Variants in RILPL1 observed in about 807,000 individuals in gnomAD.
RILPL1 encodes RILP-like protein 1.
In RILPL1, 33 loss-of-function variants were observed where a neutral mutation model predicts 50.3. That is an observed-to-expected ratio of 0.66 (90% CI 0.50 to 0.88). RILPL1 has a LOEUF of 0.88. Among genes scored for constraint, RILPL1 ranks in the 40% least tolerant of loss-of-function variants. RILPL1 has a pLI of 0.00. For missense variants in RILPL1, 418 were observed against 542.5 expected (o/e 0.77, Z 2.28); for synonymous variants, 205 against 228.6 (o/e 0.90, Z 0.93).
At chr12:123,475,954 A>G (rs1377757521) in intron 6 of RILPL1, 6 of 482,410 alleles carry the variant, frequency 1.2e-5, no homozygotes, top group Non-Finnish European at 2.2e-5. Context: ...TCCAGGCTGG[A>G]GTGCGGTGGC....
At chr12:123,486,077 A>C (rs1240627125) in intron 4 of RILPL1, among the ~76,000 whole-genome samples, 1 of 152,078 alleles carries the variant, frequency 6.6e-6, no homozygotes, top group African/African-American at 2.4e-5. Flanking sequence ...TTCATTACAA[A>C]CATGACAAGG....
At chr12:123,518,341 C>A (rs1466855458) in intron 2 of RILPL1, 1 of 425,318 alleles carries the variant, frequency 2.4e-6, no homozygotes, top group Admixed American at 2.6e-5. Flanking sequence ...CCCGTCTCTA[C>A]CAAAAAAATT....
At chr12:123,524,787 A>C (rs1318551402) in intron 1 of RILPL1, among the ~76,000 whole-genome samples, 1 of 152,196 alleles carries the variant, frequency 6.6e-6, no homozygotes, top group Non-Finnish European at 1.5e-5. Flanking sequence ...GGAGACGAGG[A>C]ATGACTGGGA....
Position 123,495,677 on chromosome 12 carries a change from G to GT in RILPL1, c.801+2866dup, listed in dbSNP as rs33979230. Among the ~76,000 whole-genome samples, 498 of 103,396 alleles carry GT rather than the reference G, an allele frequency of 4.8e-3. 4 individuals are homozygous for GT. The highest frequency in any genetic ancestry group is 0.033 in the East Asian group (119 of 3,622). The allele number at this position is 103,396 out of a possible 152,430, so 67.8% of individuals were successfully genotyped here. ...GCGTGAGCCACCGCACCTGGCCCCA[G>GT]TTTTTTTTTTTTTTTTTTTTTGAGA... On this transcript the variant is annotated intron_variant, in intron 4 of 6. Transcript: ENST00000376874.
chr12:123,500,219 C>T (rs1157448049), intron 2 of RILPL1, among the ~76,000 whole-genome samples: 3 of 151,378 alleles, frequency 2.0e-5, no homozygotes, highest in Admixed American at 6.6e-5. Flanking sequence ...CGTGAGCCAC[C>T]GCGCCCGGCC....
rs1882674387 is a variant in RILPL1, at chr12:123,491,269, G to T, written c.802-5464C>A. Among the ~76,000 whole-genome samples the T allele has an allele frequency of 6.6e-6, 1 of 152,154 alleles. No individual in the cohort carries two copies. The highest frequency in any genetic ancestry group is 1.9e-4 in the East Asian group (1 of 5,200). ...CCATGCGGGACCGGGAGGTGGCTCG[G>T]GTTAGCTGAGATAAGCTGGGGCCTT... On this transcript the variant is annotated intron_variant, in intron 4 of 6. Transcript: ENST00000376874. This position sits in a 1 kb window ranked among gnomAD's most constrained non-coding sequence, Gnocchi z 4.0.
At chr12:123,520,294 C>G (rs979501204) in intron 2 of RILPL1, among the ~76,000 whole-genome samples, 1 of 152,208 alleles carries the variant, frequency 6.6e-6, no homozygotes, top group Admixed American at 6.5e-5. Context: ...AGTGGTGGCT[C>G]ACGCCTGTAA....
At chr12:123,510,139 C>G (rs539546619) in intron 2 of RILPL1, among the ~76,000 whole-genome samples, 5 of 152,252 alleles carry the variant, frequency 3.3e-5, no homozygotes, top group African/African-American at 9.6e-5. Flanking sequence ...CCGGGCCCCC[C>G]GCTTGCAGTT....
In RILPL1 at chr12:123,521,441, T is replaced by A. The variant is rs572698416; in HGVS notation, c.460+2054A>T. ...CAAAGGAAATCCAAGGAAAAGAGAA[T>A]CCAGACCTGGATCAAACTTTTCCTT... On this transcript the variant is annotated intron_variant, in intron 2 of 6. Transcript: ENST00000376874. Among the ~76,000 whole-genome samples, 6 of 151,366 alleles carry A rather than the reference T, an allele frequency of 4.0e-5. No individual in the cohort carries two copies. In the East Asian group the frequency reaches 1.2e-3, roughly 29 times the overall value.
At chr12:123,501,161 C>T (rs574236617) in intron 2 of RILPL1, among the ~76,000 whole-genome samples, 88 of 150,670 alleles carry the variant, frequency 5.8e-4, no homozygotes, top group African/African-American at 2.0e-3. Flanking sequence ...AAGATGGCCA[C>T]GCATCTTGGC....
intron 6 of RILPL1, among the ~76,000 whole-genome samples, chr12:123,482,435 C>T (rs115228975): frequency 0.025 from 3,759 of 152,084 alleles, 77 homozygotes; most frequent in Admixed American, 0.063. Context: ...TAGCAATATC[C>T]GGCTAATTTT....
Position 123,489,472 on chromosome 12 carries a change from G to A in RILPL1, c.802-3667C>T, listed in dbSNP as rs1882548483. On this transcript the variant is annotated intron_variant, in intron 4 of 6. Coordinates refer to ENST00000376874, the MANE Select transcript of RILPL1 (RefSeq NM_178314.5). This position sits in a 1 kb window ranked among gnomAD's most constrained non-coding sequence, Gnocchi z 4.0. ...GAAGTCAGGAGATCGAGACCAGCCT[G>A]GCCAACATGGTGAAACCCCGTCTCT... Among the ~76,000 whole-genome samples the A allele has an allele frequency of 6.6e-6, 1 of 152,064 alleles. No individual in the cohort carries two copies. The highest frequency in any genetic ancestry group is 2.1e-4 in the South Asian group (1 of 4,824).
chr12:123,481,404 G>C (rs1881991917), intron 6 of RILPL1, among the ~76,000 whole-genome samples: 1 of 151,872 alleles, frequency 6.6e-6, no homozygotes. Flanking sequence ...TGAGCCAAGG[G>C]CTGCCATGCT....
intron 2 of RILPL1, among the ~76,000 whole-genome samples, chr12:123,503,166 C>T (rs1212484398): frequency 1.5e-5 from 2 of 130,594 alleles, no homozygotes; most frequent in Non-Finnish European, 3.2e-5. Flanking sequence ...GATTTACAGG[C>T]GTGAACCACC....
chr12:123,529,725 A>G (rs777909462), intron 1 of RILPL1, among the ~76,000 whole-genome samples: 72 of 152,020 alleles, frequency 4.7e-4, no homozygotes, highest in Non-Finnish European at 6.8e-4. Context: ...CTTGTCTCTA[A>G]AGGAAAAAAA....
chr12:123,495,108 A>T (rs140787457), intron 4 of RILPL1, among the ~76,000 whole-genome samples: 1 of 152,288 alleles, frequency 6.6e-6, no homozygotes, highest in East Asian at 1.9e-4. Flanking sequence ...TGATAGGCCA[A>T]TGAGGATTTC....
chr12:123,485,537 G>T lies in RILPL1; in HGVS notation c.974+96C>A. On this transcript the variant is annotated intron_variant, in intron 5 of 6. Coordinates refer to ENST00000376874, the MANE Select transcript of RILPL1 (RefSeq NM_178314.5). The surrounding 1 kb of genome is among the most constrained non-coding windows in gnomAD (Gnocchi z 4.0). ...TACCCAAAAAAAACACTGATGAAATGCTTGTCTTCCAGGGGGTAAGAAGGT... is the reference window on the plus strand; with the variant it reads ...TACCCAAAAAAAACACTGATGAAATTCTTGTCTTCCAGGGGGTAAGAAGGT... 2 of 1,168,496 alleles carry T rather than the reference G, an allele frequency of 1.7e-6. No homozygotes were observed. Among genetic ancestry groups the T allele is most frequent in the Non-Finnish European group, 2.4e-6 (2 of 819,594 alleles). 72.4% of individuals were successfully genotyped at this position (1,168,496 alleles called of 1,614,324 possible).
At chr12:123,518,928 G>A in intron 2 of RILPL1, among the ~76,000 whole-genome samples, 1 of 151,608 alleles carries the variant, frequency 6.6e-6, no homozygotes, top group East Asian at 1.9e-4. Context: ...GTGGTGGCAC[G>A]TGCCTGTGGT....
At chr12:123,506,184 G>A (rs570973903) in intron 2 of RILPL1, among the ~76,000 whole-genome samples, 2 of 152,346 alleles carry the variant, frequency 1.3e-5, no homozygotes, top group East Asian at 3.9e-4. Flanking sequence ...AGAGGCCACA[G>A]AGGAAAGGAG....
Sources: gnomAD v4.1 joint callset for allele counts (sites outside exome capture counted in the v4.1 genomes callset) on GRCh38, gnomAD v4.1.1 for gene constraint, Gnocchi (gnomAD v3.1) non-coding constraint, MANE v1.5 for transcripts, NCBI Gene and HGNC (gene_info 2026-07-23, HGNC 2026-07-21) for gene names.